VPS13B: variants seen among roughly 807,000 people sequenced by gnomAD.
The protein encoded by VPS13B is vacuolar protein sorting 13 homolog B.
A neutral mutation model predicts 426.4 loss-of-function variants in VPS13B; 285 were observed. The ratio of observed to expected loss-of-function variants is 0.67; its 90% CI spans 0.61 to 0.74. VPS13B has a LOEUF of 0.74. Ranked by LOEUF, VPS13B falls within the 30% of genes least tolerant of loss-of-function variation. The probability of loss-of-function intolerance (pLI) is 0.00; values close to 1 mark genes in which losing one functional copy is unlikely to be tolerated. For synonymous variants in VPS13B, 1,676 were observed against 1,676.4 expected, an observed-to-expected ratio of 1.00 and a Z score of 0.01; for missense variants, 4,537 against 4,782.6, an observed-to-expected ratio of 0.95 and a Z score of 1.51.
At chr8:99,423,896 G>T (rs1298249094) in intron 21 of VPS13B, among the ~76,000 whole-genome samples, 1 of 152,108 alleles carries the variant, frequency 6.6e-6, no homozygotes, top group African/African-American at 2.4e-5. Flanking sequence ...TTGATTTGGG[G>T]TGGAGAGTTC....
chr8:99,576,774 A>G (rs1013194583), intron 32 of VPS13B, among the ~76,000 whole-genome samples: 1 of 152,176 alleles, frequency 6.6e-6, no homozygotes, highest in Non-Finnish European at 1.5e-5. Context: ...TTCCAGTGAT[A>G]AATGTTCAAG....
chr8:99,661,951 A>G (rs1056985799), intron 35 of VPS13B, among the ~76,000 whole-genome samples: 9 of 152,216 alleles, frequency 5.9e-5, no homozygotes. Flanking sequence ...CATGCTTAGC[A>G]AAGTGCTTGA....
At chr8:99,774,284 G>A (rs186225578) in intron 40 of VPS13B, among the ~76,000 whole-genome samples, 7 of 152,234 alleles carry the variant, frequency 4.6e-5, no homozygotes, top group African/African-American at 1.7e-4. Context: ...CAAGATTGAA[G>A]GAGTATTGCT....
At chr8:99,340,542 G>GC in intron 19 of VPS13B, 1 of 472,270 alleles carries the variant, frequency 2.1e-6, no homozygotes, top group Admixed American at 2.4e-5. Flanking sequence ...GGGGGTGGAG[G>GC]TGTCTGGTCA....
chr8:99,166,019 G>T (rs529729463), intron 15 of VPS13B, among the ~76,000 whole-genome samples: 153 of 152,146 alleles, frequency 1.0e-3, no homozygotes, highest in Middle Eastern at 6.8e-3. Context: ...TTGCACTGTT[G>T]CCCTGGCTGG....
intron 33 of VPS13B, among the ~76,000 whole-genome samples, chr8:99,633,858 A>C (rs1379549201): frequency 7.2e-6 from 1 of 138,620 alleles, no homozygotes; most frequent in East Asian, 2.5e-4. Flanking sequence ...AACTGAATTC[A>C]TTACAAAAAG....
intron 19 of VPS13B, among the ~76,000 whole-genome samples, chr8:99,329,078 T>C (rs1234505433): frequency 3.3e-5 from 5 of 152,164 alleles, no homozygotes; most frequent in African/African-American, 1.2e-4. Flanking sequence ...AAGTACCCTC[T>C]TTTGAAAAGT....
In VPS13B at chr8:99,431,599, C is replaced by A. The variant is rs1295355447; in HGVS notation, c.3145C>A (p.Pro1049Thr). ...MLNISESCRS[P>T]EERMKEFIGI... ...GAATATATCTGAAAGCTGTAGAAGT[C>A]CTGAAGAAAGAATGAAGGAATTTAT... Residue 1049 changes from proline to threonine, a missense_variant, in exon 22 of 62, where the codon CCT (proline) becomes ACT (threonine). By Grantham distance (38) the Pro-to-Thr change is conservative. Coordinates refer to ENST00000357162, the MANE Select transcript of VPS13B (RefSeq NM_152564.5). The A allele has an allele frequency of 6.2e-7, 1 of 1,613,348 alleles. No homozygotes were observed. The highest frequency in any genetic ancestry group is 8.5e-7 in the Non-Finnish European group (1 of 1,179,706).
chr8:99,872,391 T>A (rs911547839), intron 61 of VPS13B, among the ~76,000 whole-genome samples: 5 of 152,006 alleles, frequency 3.3e-5, no homozygotes, highest in Admixed American at 1.3e-4. Flanking sequence ...TACCACAGAA[T>A]CCCCCCTGGG....
At chr8:99,285,403 T>C (rs1819379005) in intron 19 of VPS13B, among the ~76,000 whole-genome samples, 1 of 152,162 alleles carries the variant, frequency 6.6e-6, no homozygotes, top group Non-Finnish European at 1.5e-5. Flanking sequence ...ACTGCTTGTA[T>C]AGTAAAAGTA....
Position 99,216,489 on chromosome 8 carries a change from C to CATGAATGA in VPS13B, c.2515+23456_2515+23463dup, listed in dbSNP as rs149012332. 1.7e-3 allele frequency among the ~76,000 whole-genome samples: 260 copies of CATGAATGA among 151,402 alleles called. 4 individuals carry two copies. In the East Asian group the frequency reaches 0.032, roughly 19 times the overall value. ...AACATATTCTCATCCTAGCATATCACATGAATGAATGAATGAATGAATGAA... is the reference window on the plus strand; with the variant it reads ...AACATATTCTCATCCTAGCATATCACATGAATGAATGAATGAATGAATGAATGAATGAA... On this transcript the variant is annotated intron_variant, in intron 17 of 61. Transcript: ENST00000357162.
At chr8:99,528,499 C>A (rs189930957) in intron 30 of VPS13B, among the ~76,000 whole-genome samples, 1 of 152,068 alleles carries the variant, frequency 6.6e-6, no homozygotes, top group Admixed American at 6.6e-5. Flanking sequence ...CATTATCTTA[C>A]AATTACATTG....
At chr8:99,554,029 C>CAA (rs1034818329) in intron 30 of VPS13B, among the ~76,000 whole-genome samples, 1 of 144,374 alleles carries the variant, frequency 6.9e-6, no homozygotes, top group African/African-American at 2.5e-5. Context: ...AATTTAAGTC[C>CAA]AAAAAAAAAA....
chr8:99,871,675 CAA>C lies in VPS13B; in HGVS notation c.11724_11725del (p.Arg3909SerfsTer4). 1 of 1,613,934 alleles carries C rather than the reference CAA, an allele frequency of 6.2e-7. No individual in the cohort carries two copies. Among genetic ancestry groups the C allele is most frequent in the East Asian group, 2.2e-5 (1 of 44,874 alleles). ...TTACTCACAGTGCAGCTCAAGCAGCCAAGAGTGGCCTGTGATGTGGAGGTACG... is the reference window on the plus strand; with the variant it reads ...TTACTCACAGTGCAGCTCAAGCAGCCGAGTGGCCTGTGATGTGGAGGTACG... On this transcript the variant is annotated frameshift_variant, in exon 61 of 62. Transcript: ENST00000357162. LOFTEE classifies it high-confidence loss of function.
intron 29 of VPS13B, among the ~76,000 whole-genome samples, chr8:99,515,426 C>CCTG (rs1396088910): frequency 1.2e-4 from 18 of 151,042 alleles, no homozygotes; most frequent in East Asian, 9.7e-4. Context: ...TCCTCCTCCT[C>CCTG]CTGCTGCTGC....
At chr8:99,460,822 C>T (rs1818786957) in intron 23 of VPS13B, among the ~76,000 whole-genome samples, 1 of 152,086 alleles carries the variant, frequency 6.6e-6, no homozygotes, top group Non-Finnish European at 1.5e-5. Context: ...AATCAAGTGA[C>T]CTCTCTTTGA....
chr8:99,653,705 C>T (rs1829912533), intron 34 of VPS13B, among the ~76,000 whole-genome samples: 1 of 152,062 alleles, frequency 6.6e-6, no homozygotes, highest in Non-Finnish European at 1.5e-5. Flanking sequence ...TTCCTTCTAG[C>T]AAGATATGAA....
intron 12 of VPS13B, among the ~76,000 whole-genome samples, chr8:99,142,560 A>T (rs780947074): frequency 6.6e-6 from 1 of 152,220 alleles, no homozygotes; most frequent in Non-Finnish European, 1.5e-5. Flanking sequence ...CCCTGTGATC[A>T]TGTTACTTAA....
intron 5 of VPS13B, among the ~76,000 whole-genome samples, chr8:99,106,170 G>T (rs1424439203): frequency 6.6e-6 from 1 of 151,698 alleles, no homozygotes; most frequent in African/African-American, 2.4e-5. Flanking sequence ...GGTGGCTCAC[G>T]CCTGTAATCC....
Sources: gnomAD v4.1 joint callset for allele counts (sites outside exome capture counted in the v4.1 genomes callset) on GRCh38, gnomAD v4.1.1 for gene constraint, MANE v1.5 for transcripts, NCBI Gene and HGNC (gene_info 2026-07-23, HGNC 2026-07-21) for gene names.